CNTNAP5: variants seen among roughly 807,000 people sequenced by gnomAD.
CNTNAP5 encodes contactin associated protein family member 5.
Under a neutral mutation model 150.2 loss-of-function variants are expected in CNTNAP5, and 72 were observed. That is an observed-to-expected ratio of 0.48 (90% confidence interval 0.40 to 0.58). The LOEUF (loss-of-function observed/expected upper bound fraction) is 0.58. Among genes scored for constraint, CNTNAP5 ranks in the 20% least tolerant of loss-of-function variants. CNTNAP5 has a pLI of 0.00. For missense variants in CNTNAP5, 1,636 were observed against 1,626.2 expected (o/e 1.01, Z -0.10); for synonymous variants, 672 against 619.8 (o/e 1.08, Z -1.25).
chr2:124,667,699 T>G (rs6712020), intron 13 of CNTNAP5, among the ~76,000 whole-genome samples: 84,379 of 152,108 alleles, frequency 0.55, 23,980 homozygotes, highest in Non-Finnish European at 0.62. Context: ...ACTCCCTATG[T>G]CTTCATTTTT....
At chr2:124,582,490 C>T (rs1214983861) in intron 11 of CNTNAP5, among the ~76,000 whole-genome samples, 2 of 152,154 alleles carry the variant, frequency 1.3e-5, no homozygotes, top group East Asian at 3.9e-4. Flanking sequence ...GATCCCTGGA[C>T]ACTAAGCAAA....
chr2:124,685,860 C>T (rs1310107367), intron 13 of CNTNAP5, among the ~76,000 whole-genome samples: 6 of 152,074 alleles, frequency 3.9e-5, no homozygotes, highest in Middle Eastern at 3.4e-3. Context: ...TCAGAAGCCT[C>T]ATGTTATAAT....
At chr2:124,604,506 C>A (rs776720433) in intron 11 of CNTNAP5, among the ~76,000 whole-genome samples, 1 of 152,144 alleles carries the variant, frequency 6.6e-6, no homozygotes, top group Non-Finnish European at 1.5e-5. Context: ...TTCAGCATTT[C>A]GAAACTGATG....
chr2:124,243,317 A>G (rs771235649), intron 3 of CNTNAP5, among the ~76,000 whole-genome samples: 48 of 151,932 alleles, frequency 3.2e-4, no homozygotes, highest in Non-Finnish European at 5.9e-4. Context: ...ATGCCAATTT[A>G]TACTTTACAT....
intron 13 of CNTNAP5, among the ~76,000 whole-genome samples, chr2:124,707,006 A>G (rs761344446): frequency 0.015 from 1,414 of 95,974 alleles, 135 homozygotes; most frequent in Middle Eastern, 0.041. Flanking sequence ...GAGGAAGAAG[A>G]AGGAGGAGGA....
At chr2:124,026,730 T>C (rs1424434740) in intron 1 of CNTNAP5, among the ~76,000 whole-genome samples, 1 of 152,236 alleles carries the variant, frequency 6.6e-6, no homozygotes, top group Non-Finnish European at 1.5e-5. Context: ...CTTATCCCTG[T>C]CATGAAGCTC....
intron 12 of CNTNAP5, among the ~76,000 whole-genome samples, chr2:124,637,842 ATG>A (rs1341629046): frequency 6.6e-6 from 1 of 151,572 alleles, no homozygotes; most frequent in African/African-American, 2.4e-5. Context: ...TCTTTTTTAC[ATG>A]TGTCTATTAA....
At chr2:124,851,087 G>A (rs1456316752) in intron 19 of CNTNAP5, among the ~76,000 whole-genome samples, 2 of 152,184 alleles carry the variant, frequency 1.3e-5, no homozygotes, top group Admixed American at 6.5e-5. Context: ...GTTGCAGGCC[G>A]GGCGCAATGG....
At chr2:124,895,175 A>G (rs757964449) in intron 21 of CNTNAP5, among the ~76,000 whole-genome samples, 1 of 151,434 alleles carries the variant, frequency 6.6e-6, no homozygotes, top group Non-Finnish European at 1.5e-5. Flanking sequence ...TCTACCTATC[A>G]TCTATCTATT....
intron 1 of CNTNAP5, among the ~76,000 whole-genome samples, chr2:124,159,997 C>G (rs551712408): frequency 6.6e-6 from 1 of 152,258 alleles, no homozygotes; most frequent in Non-Finnish European, 1.5e-5. Flanking sequence ...TACACATAGC[C>G]TATGACATAG....
At chr2:124,187,223 G>T (rs7561939) in intron 1 of CNTNAP5, among the ~76,000 whole-genome samples, 30,583 of 152,116 alleles carry the variant, frequency 0.2, 3,271 homozygotes, top group African/African-American at 0.24. Flanking sequence ...TCATTTCCAA[G>T]ACATGATTAT....
intron 11 of CNTNAP5, among the ~76,000 whole-genome samples, chr2:124,577,766 G>A (rs1489164405): frequency 1.3e-5 from 2 of 152,170 alleles, no homozygotes; most frequent in Admixed American, 1.3e-4. Context: ...TGCTGGACTT[G>A]AGCCAAACCC....
chr2:124,085,305 C>A (rs1682659998), intron 1 of CNTNAP5, among the ~76,000 whole-genome samples: 1 of 152,048 alleles, frequency 6.6e-6, no homozygotes, highest in Admixed American at 6.5e-5. Context: ...TTTAAAGACT[C>A]ACTCATTTCG....
At chr2:124,213,484 A>C (rs1686074006) in intron 1 of CNTNAP5, among the ~76,000 whole-genome samples, 1 of 152,228 alleles carries the variant, frequency 6.6e-6, no homozygotes, top group Non-Finnish European at 1.5e-5. Flanking sequence ...TCAACAAAGA[A>C]GTATTGACTA....
intron 13 of CNTNAP5, among the ~76,000 whole-genome samples, chr2:124,732,411 G>A (rs1482279905): frequency 3.3e-5 from 5 of 152,118 alleles, no homozygotes; most frequent in Non-Finnish European, 7.4e-5. Context: ...AGAAGGTGGA[G>A]CCTTTGGTGA....
At chr2:124,550,523 T>TGATAGCTATA (rs1695604013) in intron 10 of CNTNAP5, among the ~76,000 whole-genome samples, 1 of 152,118 alleles carries the variant, frequency 6.6e-6, no homozygotes, top group Non-Finnish European at 1.5e-5. Flanking sequence ...TGTCTGTGCG[T>TGATAGCTATA]TTCCTGATAG....
chr2:124,515,525 T>G lies in CNTNAP5; in HGVS notation c.1328-8778T>G, dbSNP rs62172617. On this transcript the variant is annotated intron_variant, in intron 8 of 23. Coordinates refer to ENST00000682447, the MANE Select transcript of CNTNAP5 (RefSeq NM_001367498.1). ...TTTCCTGATTTATTAACTTACTAATTTATTCAATCAATCAATCATTCATCA... is the reference window on the plus strand; with the variant it reads ...TTTCCTGATTTATTAACTTACTAATGTATTCAATCAATCAATCATTCATCA... 1.4e-3 allele frequency among the ~76,000 whole-genome samples: 167 copies of G among 122,772 alleles called. 1 individual carries two copies. Among genetic ancestry groups the G allele is most frequent in the Middle Eastern group, 9.4e-3 (2 of 212 alleles). The allele number at this position is 122,772 out of a possible 152,430, so 80.5% of individuals were successfully genotyped here.
intron 3 of CNTNAP5, among the ~76,000 whole-genome samples, chr2:124,255,643 T>C (rs942575124): frequency 2.6e-5 from 4 of 151,966 alleles, no homozygotes; most frequent in Non-Finnish European, 5.9e-5. Flanking sequence ...AAGAAAAATG[T>C]AGGAGTCTTT....
chr2:124,449,793 G>A (rs1040591952), intron 6 of CNTNAP5, among the ~76,000 whole-genome samples: 2 of 152,268 alleles, frequency 1.3e-5, no homozygotes, highest in Middle Eastern at 3.4e-3. Flanking sequence ...TAGATTGGCT[G>A]TAATAGCGGC....
Sources: gnomAD v4.1 joint callset for allele counts (sites outside exome capture counted in the v4.1 genomes callset) on GRCh38, gnomAD v4.1.1 for gene constraint, MANE v1.5 for transcripts, NCBI Gene and HGNC (gene_info 2026-07-23, HGNC 2026-07-21) for gene names.